Variants in ACVRL1 observed in about 807,000 individuals in gnomAD.
The protein encoded by ACVRL1 is activin receptor type-1-like.
A neutral mutation model predicts 51.9 loss-of-function variants in ACVRL1; 20 were observed. The ratio of observed to expected loss-of-function variants is 0.39; its 90% CI spans 0.27 to 0.56. ACVRL1 has a LOEUF of 0.56. ACVRL1 is among the 20% of genes least tolerant of loss of function. ACVRL1 has a pLI of 0.67. For missense variants in ACVRL1, 451 were observed against 670.3 expected, an observed-to-expected ratio of 0.67 and a Z score of 3.61; for synonymous variants, 288 against 280.9, an observed-to-expected ratio of 1.03 and a Z score of -0.25.
intron 1 of ACVRL1, among the ~76,000 whole-genome samples, chr12:51,908,271 C>T (rs1252899991): frequency 6.6e-6 from 1 of 152,162 alleles, no homozygotes; most frequent in Non-Finnish European, 1.5e-5. Context: ...GGCTGGGACC[C>T]CAGATTTTTC....
chr12:51,912,217 T>C, intron 1 of ACVRL1: 1 of 609,994 alleles, frequency 1.6e-6, no homozygotes. Flanking sequence ...AGAGCTAGGG[T>C]TTCCCCAAGC....
At chr12:51,908,618 A>C (rs1940638206) in intron 1 of ACVRL1, among the ~76,000 whole-genome samples, 1 of 152,212 alleles carries the variant, frequency 6.6e-6, no homozygotes, top group Non-Finnish European at 1.5e-5. Context: ...GACTTGTCCA[A>C]AACTCCTTGG....
chr12:51,919,142 G>C, intron 9 of ACVRL1, 27 bp downstream of exon 9: 2 of 1,613,520 alleles, frequency 1.2e-6, no homozygotes, highest in Admixed American at 1.7e-5. Flanking sequence ...GACTAGGATG[G>C]CGTGGGGTGG....
At chr12:51,919,153 T>C in intron 9 of ACVRL1, 38 bp downstream of exon 9, 1 of 1,613,298 alleles carries the variant, frequency 6.2e-7, no homozygotes, top group Non-Finnish European at 8.5e-7. Context: ...CGTGGGGTGG[T>C]GGCTCATGGC....
In ACVRL1 at chr12:51,922,281, T is replaced by C. The variant is rs1320281493; in HGVS notation, c.*1388T>C. 1 of 152,212 alleles carries C rather than the reference T, an allele frequency of 6.6e-6. No individual in the cohort carries two copies. The highest frequency in any genetic ancestry group is 2.4e-5 in the African/African-American group (1 of 41,430). The allele number at this position is 152,212 out of a possible 1,614,324, so 9.4% of individuals were successfully genotyped here. ...AAGCTCCAGTTCTTGCCTAAAACCA[T>C]GCCAGTGGCCACCCTTGGGCTCAGA... is the stretch of plus-strand genomic sequence containing the variant. On this transcript the variant is annotated 3_prime_UTR_variant, in exon 10 of 10. Transcript: ENST00000388922.
rs902331795 is a variant in ACVRL1, at chr12:51,914,321, G to C, written c.626-118G>C. The C allele has an allele frequency of 6.1e-6, 9 of 1,470,406 alleles. No individual in the cohort carries two copies. The African/African-American group carries it at 1.3e-4, about 21-fold the overall frequency. The allele number at this position is 1,470,406 out of a possible 1,614,324, so 91.1% of individuals were successfully genotyped here. ...TGGGTCTGGATTAAGTTAAACCTAAGGGTCTGGGGTTCTGTGGGTGGGGTG... is the reference window on the plus strand; with the variant it reads ...TGGGTCTGGATTAAGTTAAACCTAACGGTCTGGGGTTCTGTGGGTGGGGTG... On this transcript the variant is annotated intron_variant, in intron 5 of 9. Transcript: ENST00000388922.
Position 51,923,236 on chromosome 12 carries a change from T to TG in ACVRL1, c.*2343_*2344insG, listed in dbSNP as rs1362351899. 5.9e-5 allele frequency: 9 copies of TG among 152,282 alleles called. No homozygotes were observed. The highest frequency in any genetic ancestry group is 2.2e-4 in the African/African-American group (9 of 41,454). 9.4% of individuals were successfully genotyped at this position (152,282 alleles called of 1,614,324 possible). Reference sequence around the variant, plus strand: ...TGAGAGCAGTCTGCACATGCTTCTGTCTGAGTGCAGGAAGGTGTTCCAGGG... The same window carrying TG: ...TGAGAGCAGTCTGCACATGCTTCTGTGCTGAGTGCAGGAAGGTGTTCCAGGG... On this transcript the variant is annotated 3_prime_UTR_variant, in exon 10 of 10. Transcript: ENST00000388922.
intron 3 of ACVRL1, 60 bp from the exon 4 acceptor site, chr12:51,913,499 G>T: frequency 6.5e-7 from 1 of 1,548,244 alleles, no homozygotes; most frequent in Non-Finnish European, 8.7e-7. Context: ...AGAGTGGTCT[G>T]GCCCGAGGTG....
Position 51,920,807 on chromosome 12 carries a change from C to T in ACVRL1, c.1426C>T (p.Pro476Ser). ...GATGCGGGAGTGCTGGTACCCAAAC[C>T]CCTCTGCCCGACTCACCGCGCTGCG... ...QMMRECWYPN[P>S]SARLTALRIK... The change falls in exon 10 of 10, where the codon CCC (proline) becomes TCC (serine). Residue 476 changes from proline (P) to serine (S), a missense_variant. Physicochemically the swap from Pro to Ser is moderately conservative, Grantham distance 74. This residue lies in a region of ACVRL1 where 259 missense variants were observed against 453.4 expected (regional missense o/e 0.57). Coordinates refer to ENST00000388922, the MANE Select transcript of ACVRL1 (RefSeq NM_000020.3). The T allele has an allele frequency of 6.2e-7, 1 of 1,614,062 alleles. No individual in the cohort carries two copies. Among genetic ancestry groups the T allele is most frequent in the Non-Finnish European group, 8.5e-7 (1 of 1,180,018 alleles).
chr12:51,913,454 G>C, intron 3 of ACVRL1, 104 bp downstream of exon 3: 1 of 1,531,712 alleles, frequency 6.5e-7, no homozygotes, highest in African/African-American at 1.4e-5. Flanking sequence ...TGGGGGCGGG[G>C]GAGCGGGTGG....
At chr12:51,919,866 A>G (rs539470611) in intron 9 of ACVRL1, among the ~76,000 whole-genome samples, 1 of 152,340 alleles carries the variant, frequency 6.6e-6, no homozygotes, top group East Asian at 1.9e-4. Context: ...ATGCGCATAT[A>G]TGCCAGACTG....
In ACVRL1 at chr12:51,917,832, G is replaced by A. The variant is rs945858829; in HGVS notation, c.1247-1153G>A. ...GCTGCAGGGCAGAAAGGAAAGGCTG[G>A]GAGGAGGCTGCCTGGGGTGGAGGGG... On this transcript the variant is annotated intron_variant, in intron 8 of 9. Coordinates refer to ENST00000388922, the MANE Select transcript of ACVRL1 (RefSeq NM_000020.3). The surrounding 1 kb of genome is among the most constrained non-coding windows in gnomAD (Gnocchi z 4.2). Among the ~76,000 whole-genome samples, 1 of 152,166 alleles carries A rather than the reference G, an allele frequency of 6.6e-6. No homozygotes were observed. The highest frequency in any genetic ancestry group is 2.4e-5 in the African/African-American group (1 of 41,442).
At chr12:51,918,197 C>T (rs911122667) in intron 8 of ACVRL1, among the ~76,000 whole-genome samples, 4 of 152,212 alleles carry the variant, frequency 2.6e-5, no homozygotes, top group African/African-American at 9.6e-5. Context: ...TCAGTGCTGG[C>T]TGCAGGAGTC....
chr12:51,914,619 GCTTTGCCCCCCTGCA>G, intron 6 of ACVRL1, 34 bp downstream of exon 6: 1 of 1,594,374 alleles, frequency 6.3e-7, no homozygotes, highest in East Asian at 2.3e-5. Context: ...CAGGCCTGGG[GCTTTGCCCCCCTGCA>G]CTCAGGGCTC....
chr12:51,908,246 C>T (rs924860331), intron 1 of ACVRL1, among the ~76,000 whole-genome samples: 4 of 152,188 alleles, frequency 2.6e-5, no homozygotes. Context: ...CAAAGGGGAT[C>T]CCAGTCTCCC....
chr12:51,920,643 A>G (rs756446829), intron 9 of ACVRL1, 116 bp from the exon 10 acceptor site: 1 of 1,197,342 alleles, frequency 8.4e-7, no homozygotes, highest in Non-Finnish European at 1.2e-6. Flanking sequence ...CATCCTCCTC[A>G]TCTTCTTCCC....
intron 9 of ACVRL1, among the ~76,000 whole-genome samples, chr12:51,920,305 G>A (rs1431230065): frequency 6.6e-6 from 1 of 152,218 alleles, no homozygotes; most frequent in Non-Finnish European, 1.5e-5. Context: ...GTCTTAGGCT[G>A]TGGATGGGGA....
chr12:51,913,621 G>C lies in ACVRL1; in HGVS notation c.376G>C (p.Val126Leu), dbSNP rs369146413. The C allele has an allele frequency of 3.1e-6, 5 of 1,603,364 alleles. No individual in the cohort carries two copies. In the African/African-American group the frequency reaches 6.7e-5, roughly 21 times the overall value. ...CCAGCTGGCCCTGATCCTGGGCCCC[G>C]TGCTGGCCTTGCTGGCCCTGGTGGC... ...DGQLALILGPVLALLALVALG... is the reference protein window; with the variant it reads ...DGQLALILGPLLALLALVALG... The change falls in exon 4 of 10, where the codon GTG becomes CTG. Residue 126 changes from valine (V) to leucine (L), a missense_variant. Val to Leu is a conservative substitution (Grantham distance 32). Around this residue, in one of 2 missense-constraint regions of ACVRL1, gnomAD observed 192 missense variants for 216.9 expected, o/e 0.89. Coordinates refer to ENST00000388922, the MANE Select transcript of ACVRL1 (RefSeq NM_000020.3).
chr12:51,913,694 A>T lies in ACVRL1; in HGVS notation c.449A>T (p.Gln150Leu). The T allele has an allele frequency of 6.2e-7, 1 of 1,611,590 alleles. No homozygotes were observed. Among genetic ancestry groups the T allele is most frequent in the Non-Finnish European group, 8.5e-7 (1 of 1,180,014 alleles). ...LWHVRRRQEK[Q>L]RGLHSELGES... ...CATGTCCGACGGAGGCAGGAGAAGC[A>T]GCGTGGCCTGCACAGCGAGCTGGGA... is the stretch of plus-strand genomic sequence containing the variant. The change falls in exon 4 of 10, where the codon CAG (glutamine) becomes CTG (leucine). Residue 150 changes from glutamine to leucine, a missense_variant. Around this residue, in one of 2 missense-constraint regions of ACVRL1, gnomAD observed 192 missense variants for 216.9 expected, o/e 0.89. Coordinates refer to ENST00000388922, the MANE Select transcript of ACVRL1 (RefSeq NM_000020.3).
Sources: gnomAD v4.1 joint callset for allele counts (sites outside exome capture counted in the v4.1 genomes callset) on GRCh38, gnomAD v4.1.1 for gene constraint, gnomAD v4.1.1 regional missense constraint, Gnocchi (gnomAD v3.1) non-coding constraint, MANE v1.5 for transcripts, NCBI Gene and HGNC (gene_info 2026-07-23, HGNC 2026-07-21) for gene names.